CDKL1: variants seen among roughly 807,000 people sequenced by gnomAD.
CDKL1 encodes cyclin dependent kinase like 1, also known as cyclin-dependent kinase-like 1.
A neutral mutation model predicts 42.0 loss-of-function variants in CDKL1; 41 were observed. The observed-to-expected ratio is 0.98, with a 90% CI of 0.76 to 1.27. The LOEUF (loss-of-function observed/expected upper bound fraction) is 1.27. Ranked by LOEUF, CDKL1 falls within the 50% of genes most tolerant of loss-of-function variation. The pLI is 0.00. For synonymous variants in CDKL1, 153 were observed against 158.6 expected, an observed-to-expected ratio of 0.96 and a Z score of 0.26; for missense variants, 394 against 428.4, an observed-to-expected ratio of 0.92 and a Z score of 0.71.
intron 3 of CDKL1, among the ~76,000 whole-genome samples, chr14:50,356,652 G>A (rs1331651844): frequency 1.3e-5 from 2 of 152,078 alleles, no homozygotes; most frequent in East Asian, 3.9e-4. Flanking sequence ...CACAGGAAGG[G>A]GAACAACACA....
chr14:50,386,691 G>A (rs923205539), intron 2 of CDKL1, among the ~76,000 whole-genome samples: 12 of 152,068 alleles, frequency 7.9e-5, no homozygotes, highest in African/African-American at 2.9e-4. Context: ...TTGGGAGACC[G>A]AGGCAGGAGG....
chr14:50,375,855 G>A (rs370739891), intron 2 of CDKL1, among the ~76,000 whole-genome samples: 15 of 152,184 alleles, frequency 9.9e-5, no homozygotes, highest in East Asian at 7.7e-4. Flanking sequence ...GGGATGGGAC[G>A]TGGTCTTCTA....
chr14:50,332,820 C>T (rs534467206), intron 8 of CDKL1: 30 of 634,920 alleles, frequency 4.7e-5, no homozygotes, highest in Non-Finnish European at 7.5e-5. Context: ...GATATTTACA[C>T]ATGATAACAA....
At chr14:50,362,175 C>T (rs186735063) in intron 2 of CDKL1, 78 of 256,634 alleles carry the variant, frequency 3.0e-4, no homozygotes, top group African/African-American at 1.6e-3. Context: ...TCCCCACCCC[C>T]CCACCCCCAC....
intron 2 of CDKL1, among the ~76,000 whole-genome samples, chr14:50,389,568 T>G (rs1393089794): frequency 6.6e-6 from 1 of 152,136 alleles, no homozygotes; most frequent in African/African-American, 2.4e-5. Flanking sequence ...GTTGTGATAT[T>G]TATAATTAAT....
intron 5 of CDKL1, among the ~76,000 whole-genome samples, chr14:50,341,774 C>T (rs1797080747): frequency 7.9e-6 from 1 of 126,592 alleles, no homozygotes; most frequent in South Asian, 2.7e-4. Context: ...GAGTGAGACC[C>T]TGTCTCAAAA....
rs760602524 is a variant in CDKL1 at position 50,332,264 on chromosome 14, T to G, written c.964A>C (p.Lys322Gln). 7.4e-6 allele frequency: 12 copies of G among 1,614,052 alleles called. No homozygotes were observed. The East Asian group carries it at 2.7e-4, about 36-fold the overall frequency. ...RKHHCFTETS[K>Q]LQYLPQLTGS... ...AGGAGATCATTTCAAATTATAACCTTGGATGTTTCTGTAAAGCAGTGGTGC... is the reference window on the plus strand; with the variant it reads ...AGGAGATCATTTCAAATTATAACCTGGGATGTTTCTGTAAAGCAGTGGTGC... Residue 322 changes from lysine to glutamine, a missense_variant and splice_region_variant, in exon 9 of 10, where the codon AAG (lysine) becomes CAG (glutamine). By Grantham distance (53) the Lys-to-Gln change is moderately conservative (BLOSUM62 1). Transcript: ENST00000395834.
intron 8 of CDKL1, chr14:50,332,706 A>G (rs2033026144): frequency 5.2e-6 from 8 of 1,531,640 alleles, no homozygotes; most frequent in Non-Finnish European, 7.0e-6. Flanking sequence ...GGAGAGTAAG[A>G]TATAATTTTA....
chr14:50,330,070 T>C lies in CDKL1; in HGVS notation c.*4A>G. ...CTTTTTTAAAATCATGTCTCCTAGCTCCTTTAAATGTTTGGAAAACGGTAG... is the reference window on the plus strand; with the variant it reads ...CTTTTTTAAAATCATGTCTCCTAGCCCCTTTAAATGTTTGGAAAACGGTAG... On this transcript the variant is annotated 3_prime_UTR_variant, in exon 10 of 10. Coordinates refer to ENST00000395834, the MANE Select transcript of CDKL1 (RefSeq NM_004196.7). 1 of 1,608,494 alleles carries C rather than the reference T, an allele frequency of 6.2e-7. No homozygotes were observed. Among genetic ancestry groups the C allele is most frequent in the Non-Finnish European group, 8.5e-7 (1 of 1,178,860 alleles).
upstream of CDKL1, chr14:50,397,229 G>A (rs1241645848): frequency 7.3e-7 from 1 of 1,366,488 alleles, no homozygotes; most frequent in Non-Finnish European, 9.8e-7. Flanking sequence ...TCAGAACCGC[G>A]GTTATTCCCT....
intron 2 of CDKL1, among the ~76,000 whole-genome samples, chr14:50,382,180 C>T (rs1366619540): frequency 6.6e-6 from 1 of 152,178 alleles, no homozygotes; most frequent in Admixed American, 6.5e-5. Flanking sequence ...AGGCCGGGCG[C>T]GGTGGCTGAC....
At chr14:50,386,415 C>A (rs1411970452) in intron 2 of CDKL1, among the ~76,000 whole-genome samples, 1 of 152,084 alleles carries the variant, frequency 6.6e-6, no homozygotes, top group African/African-American at 2.4e-5. Flanking sequence ...GCCTGGGCAA[C>A]AGAGTGAGAC....
intron 6 of CDKL1, among the ~76,000 whole-genome samples, chr14:50,340,680 A>T (rs969417584): frequency 6.6e-6 from 1 of 152,236 alleles, no homozygotes; most frequent in Non-Finnish European, 1.5e-5. Context: ...GGATTACCCC[A>T]TCGTCATAAA....
rs1392069305 is a variant in CDKL1, at chr14:50,329,062, T to TATAC, written c.*1011_*1012insGTAT. 3 of 144,024 alleles carry TATAC rather than the reference T, an allele frequency of 2.1e-5. No individual in the cohort carries two copies. Among genetic ancestry groups the TATAC allele is most frequent in the African/African-American group, 5.2e-5 (2 of 38,190 alleles). 8.9% of individuals were successfully genotyped at this position (144,024 alleles called of 1,614,324 possible). ...ATATATATATATATATATATATATATACATACACATACATACACATACAAA... is the reference window on the plus strand; with the variant it reads ...ATATATATATATATATATATATATATATACACATACACATACATACACATACAAA... On this transcript the variant is annotated 3_prime_UTR_variant, in exon 10 of 10. Coordinates refer to ENST00000395834, the MANE Select transcript of CDKL1 (RefSeq NM_004196.7).
intron 2 of CDKL1, among the ~76,000 whole-genome samples, chr14:50,373,102 T>C (rs61981903): frequency 0.28 from 42,974 of 152,018 alleles, 6,726 homozygotes; most frequent in African/African-American, 0.39. Context: ...CAAGATTGCA[T>C]TGAACCTGTA....
At chr14:50,366,740 C>T (rs892370457) in intron 2 of CDKL1, among the ~76,000 whole-genome samples, 1 of 152,006 alleles carries the variant, frequency 6.6e-6, no homozygotes, top group African/African-American at 2.4e-5. Context: ...ATGTGGTGAT[C>T]GGCTGGAGGT....
chr14:50,368,866 C>CTTTTT (rs546628912), intron 2 of CDKL1, among the ~76,000 whole-genome samples: 7 of 131,044 alleles, frequency 5.3e-5, no homozygotes, highest in African/African-American at 1.4e-4. Context: ...AGTTGCCAAC[C>CTTTTT]TTTTTTTTTT....
chr14:50,361,788 T>A (rs1269362743), intron 2 of CDKL1, among the ~76,000 whole-genome samples: 2 of 152,256 alleles, frequency 1.3e-5, no homozygotes, highest in African/African-American at 2.4e-5. Context: ...GGTGACAGCA[T>A]GCTGGCAGCC....
chr14:50,395,050 T>C (rs2076737302), intron 2 of CDKL1, among the ~76,000 whole-genome samples: 1 of 152,244 alleles, frequency 6.6e-6, no homozygotes, highest in Non-Finnish European at 1.5e-5. Flanking sequence ...CGGGACATGA[T>C]GATGCTCAGC....
Sources: gnomAD v4.1 joint callset for allele counts (sites outside exome capture counted in the v4.1 genomes callset) on GRCh38, gnomAD v4.1.1 for gene constraint, MANE v1.5 for transcripts, NCBI Gene and HGNC (gene_info 2026-07-23, HGNC 2026-07-21) for gene names.